Variants in ATP8A1 observed in about 807,000 individuals in gnomAD.
ATP8A1 encodes ATPase phospholipid transporting 8A1.
ATP8A1 carries 90 observed loss-of-function variants against 177.7 expected under a neutral mutation model. The ratio of observed to expected loss-of-function variants is 0.51; its 90% CI spans 0.43 to 0.60. The LOEUF (loss-of-function observed/expected upper bound fraction) is 0.60. Ranked by LOEUF, ATP8A1 falls within the 20% of genes least tolerant of loss-of-function variation. ATP8A1 has a pLI of 0.00. For synonymous variants in ATP8A1, 493 were observed against 485.9 expected (o/e 1.01, Z -0.19); for missense variants, 1,072 against 1,392.8 (o/e 0.77, Z 3.67).
intron 15 of ATP8A1, among the ~76,000 whole-genome samples, chr4:42,565,161 C>G (rs1240138127): frequency 6.6e-6 from 1 of 152,178 alleles, no homozygotes; most frequent in Non-Finnish European, 1.5e-5. Flanking sequence ...TTGGGTATGT[C>G]TTTATCAGTA....
rs183883286 is a variant in ATP8A1, at chr4:42,553,189, T to C, written c.1414-579A>G. Among the ~76,000 whole-genome samples the C allele has an allele frequency of 1.1e-4, 17 of 152,318 alleles. No homozygotes were observed. In the East Asian group the frequency reaches 2.9e-3, roughly 26 times the overall value. ...ACAACTTGGTGTTGTCAAATAGAAA[T>C]AGTATAGTGAGAAAGGCAGATGTAG... On this transcript the variant is annotated intron_variant, in intron 16 of 36. Transcript: ENST00000381668.
chr4:42,546,182 C>T (rs976820049), intron 19 of ATP8A1, among the ~76,000 whole-genome samples: 1 of 152,076 alleles, frequency 6.6e-6, no homozygotes, highest in Non-Finnish European at 1.5e-5. Context: ...TCCCCAGAAT[C>T]TGCCTCTTCT....
intron 29 of ATP8A1, among the ~76,000 whole-genome samples, chr4:42,453,502 A>T (rs899022748): frequency 1.3e-5 from 2 of 152,168 alleles, no homozygotes; most frequent in Non-Finnish European, 2.9e-5. Context: ...GGCTCTACAG[A>T]TAATGAAAAG....
At chr4:42,488,406 A>C (rs192530405) in intron 24 of ATP8A1, among the ~76,000 whole-genome samples, 7 of 152,260 alleles carry the variant, frequency 4.6e-5, no homozygotes, top group Admixed American at 2.6e-4. Flanking sequence ...GCAAAAAAAA[A>C]AACAACAAAC....
At chr4:42,653,433 T>A (rs1741314982) in intron 1 of ATP8A1, among the ~76,000 whole-genome samples, 1 of 152,216 alleles carries the variant, frequency 6.6e-6, no homozygotes, top group South Asian at 2.1e-4. Flanking sequence ...GTAACAGTAG[T>A]TGAAGTTCAG....
At chr4:42,438,259 A>C in intron 33 of ATP8A1, among the ~76,000 whole-genome samples, 1 of 152,096 alleles carries the variant, frequency 6.6e-6, no homozygotes. Flanking sequence ...GTGTCTGTGA[A>C]ATGTCTAAAA....
Position 42,625,626 on chromosome 4 carries a change from A to G in ATP8A1, c.252T>C (p.Ile84=), listed in dbSNP as rs758989433. ...RRAANSFFLF[I]ALLQQIPDVS... is the part of the protein sequence containing the mutation. ...GACGTGACTTTACCTGCAGCAGTGC[A>G]ATAAAGAGAAAAAATGAATTAGCAG... Residue 84 remains isoleucine, a synonymous_variant, in exon 3 of 37, where the codon ATT becomes ATC. Transcript: ENST00000381668. 7.5e-6 allele frequency: 12 copies of G among 1,600,906 alleles called. No homozygotes were observed. The South Asian group carries it at 1.2e-4, about 16-fold the overall frequency.
In ATP8A1 at chr4:42,580,363, T is replaced by C. The variant is rs1732907040; in HGVS notation, c.835-385A>G. 2.6e-5 allele frequency among the ~76,000 whole-genome samples: 4 copies of C among 152,216 alleles called. No individual in the cohort carries two copies. The South Asian group carries it at 8.3e-4, about 32-fold the overall frequency. ...GAAGACAGGCAGACAAGGCAGCCCA[T>C]GCTCCCGCAAACAGGCACCTGGAAA... On this transcript the variant is annotated intron_variant, in intron 10 of 36. Coordinates refer to ENST00000381668, the MANE Select transcript of ATP8A1 (RefSeq NM_006095.2).
At chr4:42,624,449 GAATT>G in intron 4 of ATP8A1, 83 bp downstream of exon 4, 1 of 698,588 alleles carries the variant, frequency 1.4e-6, no homozygotes, top group Non-Finnish European at 2.2e-6. Context: ...CCCACGCCAA[GAATT>G]AAATAATTTA....
chr4:42,574,583 A>G (rs1423436326), intron 14 of ATP8A1, 36 bp downstream of exon 14: 1 of 1,492,890 alleles, frequency 6.7e-7, no homozygotes, highest in Non-Finnish European at 9.3e-7. Flanking sequence ...CTAATTAAGC[A>G]TGTATTTCAT....
At chr4:42,526,565 C>A (rs1250295748) in intron 20 of ATP8A1, among the ~76,000 whole-genome samples, 2 of 152,140 alleles carry the variant, frequency 1.3e-5, no homozygotes, top group Admixed American at 6.6e-5. Flanking sequence ...CTCTCCCGTG[C>A]TGGATGCTTC....
At chr4:42,456,490 T>C (rs960201440) in intron 27 of ATP8A1, among the ~76,000 whole-genome samples, 2 of 152,144 alleles carry the variant, frequency 1.3e-5, no homozygotes, top group African/African-American at 4.8e-5. Context: ...TATTTTACAA[T>C]TCTCTTTAAA....
At chr4:42,613,306 A>G (rs1351087293) in intron 5 of ATP8A1, among the ~76,000 whole-genome samples, 1 of 151,890 alleles carries the variant, frequency 6.6e-6, no homozygotes, top group Admixed American at 6.6e-5. Context: ...TTTCTTGGAT[A>G]TGGGACTTAT....
intron 5 of ATP8A1, among the ~76,000 whole-genome samples, chr4:42,615,631 C>T (rs1481611618): frequency 6.6e-6 from 1 of 152,192 alleles, no homozygotes; most frequent in Non-Finnish European, 1.5e-5. Flanking sequence ...GCATGTATAA[C>T]TCAGTGTTTC....
chr4:42,517,337 G>C (rs1181508094), intron 22 of ATP8A1, among the ~76,000 whole-genome samples: 6 of 151,066 alleles, frequency 4.0e-5, no homozygotes, highest in Non-Finnish European at 5.9e-5. Flanking sequence ...AATATAGGCT[G>C]ACACTATAAG....
intron 24 of ATP8A1, among the ~76,000 whole-genome samples, chr4:42,494,943 C>G (rs983464258): frequency 6.6e-6 from 1 of 152,162 alleles, no homozygotes; most frequent in African/African-American, 2.4e-5. Flanking sequence ...TAAATGTTTA[C>G]TGGGAGTAAA....
At chr4:42,614,439 G>T (rs1736698721) in intron 5 of ATP8A1, among the ~76,000 whole-genome samples, 2 of 152,176 alleles carry the variant, frequency 1.3e-5, no homozygotes, top group Admixed American at 1.3e-4. Flanking sequence ...ACTGCATATT[G>T]CCAAAAATAC....
intron 23 of ATP8A1, among the ~76,000 whole-genome samples, chr4:42,504,171 G>A (rs114777445): frequency 1.3e-3 from 192 of 152,192 alleles, no homozygotes; most frequent in African/African-American, 4.3e-3. Context: ...ATCTCATTCC[G>A]TCTCATGATT....
At chr4:42,446,782 A>AG in intron 30 of ATP8A1, 138 bp from the exon 31 acceptor site, 1 of 686,744 alleles carries the variant, frequency 1.5e-6, no homozygotes, top group Admixed American at 2.9e-5. Context: ...TAAAAAAAAA[A>AG]ACAACCCCAA....
Sources: allele counts gnomAD v4.1 joint callset (sites outside exome capture counted in the v4.1 genomes callset), GRCh38; gene constraint gnomAD v4.1.1; transcripts MANE v1.5; gene names NCBI Gene and HGNC (gene_info 2026-07-23, HGNC 2026-07-21).